RFFL: variants seen among roughly 807,000 people sequenced by gnomAD.
RFFL encodes ring finger and FYVE like domain containing E3 ubiquitin protein ligase.
Under a neutral mutation model 40.4 loss-of-function variants are expected in RFFL, and 16 were observed. That is an observed-to-expected ratio of 0.40 (90% CI 0.27 to 0.60). The LOEUF is 0.60. Ranked by LOEUF, RFFL falls within the 20% of genes least tolerant of loss-of-function variation. The probability of loss-of-function intolerance (pLI) is 0.47; values close to 1 mark genes in which losing one functional copy is unlikely to be tolerated. For synonymous variants in RFFL, 154 were observed against 167.9 expected, an observed-to-expected ratio of 0.92 and a Z score of 0.64; for missense variants, 367 against 451.7, an observed-to-expected ratio of 0.81 and a Z score of 1.70.
In RFFL at chr17:35,079,239, G is replaced by T. The variant is rs116935729; in HGVS notation, c.-9+9866C>A. Among the ~76,000 whole-genome samples, 338 of 152,246 alleles carry T rather than the reference G, an allele frequency of 2.2e-3. 5 individuals are homozygous for T. In the East Asian group the frequency reaches 0.054, roughly 24 times the overall value. ...GGGTTTCACCCTGTTGGCCAGGCTG[G>T]TCTTGAACTCCTGAACCCAAGTGAT... is the stretch of plus-strand genomic sequence containing the variant. On this transcript the variant is annotated intron_variant, in intron 1 of 6. Coordinates refer to the RFFL transcript ENST00000315249.
rs190054103 is a variant in RFFL, at chr17:35,023,927, A to G, written c.181-2146T>C. Among the ~76,000 whole-genome samples the G allele has an allele frequency of 9.9e-4, 151 of 152,308 alleles. 1 individual carries two copies. The highest frequency in any genetic ancestry group is 1.9e-3 in the Non-Finnish European group (128 of 68,010). On this transcript the variant is annotated intron_variant, in intron 2 of 6. Coordinates refer to ENST00000394597, the MANE Select transcript of RFFL (RefSeq NM_001017368.2). ...GCTTGAGGCTAAAACCCCAGTTTGC[A>G]GTGGCAGAAGAAAACAAGAAGAAAG... is the stretch of plus-strand genomic sequence containing the variant.
At chr17:35,066,551 A>G (rs2091321913), upstream of RFFL, among the ~76,000 whole-genome samples, 1 of 152,202 alleles carries the variant, frequency 6.6e-6, no homozygotes, top group Admixed American at 6.5e-5. Flanking sequence ...TACAACAAGC[A>G]TATATTCAAA....
At chr17:35,066,670 C>CA (rs2091322300), upstream of RFFL, among the ~76,000 whole-genome samples, 1 of 152,176 alleles carries the variant, frequency 6.6e-6, no homozygotes, top group Admixed American at 6.5e-5. Context: ...CTTTTATCTA[C>CA]TTCCCTACCC....
intron 1 of RFFL, among the ~76,000 whole-genome samples, chr17:35,075,804 C>G (rs2091372543): frequency 6.6e-6 from 1 of 152,056 alleles, no homozygotes; most frequent in South Asian, 2.1e-4. Context: ...AAAGCAAACA[C>G]AAAAGCGTCT....
Position 35,046,774 on chromosome 17 carries a change from C to A in RFFL, c.-9+16802G>T, listed in dbSNP as rs543405792. Among the ~76,000 whole-genome samples, 8 of 152,278 alleles carry A rather than the reference C, an allele frequency of 5.3e-5. No homozygotes were observed. The East Asian group carries it at 1.3e-3, about 26-fold the overall frequency. On this transcript the variant is annotated intron_variant, in intron 1 of 6. Coordinates refer to ENST00000394597, the MANE Select transcript of RFFL (RefSeq NM_001017368.2). ...GAAGTTCAGGGAAAAGTAATTCTAA[C>A]CAATGGAGCTGTGCCAAAATATCAC... is the stretch of plus-strand genomic sequence containing the variant.
At chr17:35,022,426 G>T (rs371302407) in intron 2 of RFFL, among the ~76,000 whole-genome samples, 1 of 152,298 alleles carries the variant, frequency 6.6e-6, no homozygotes, top group South Asian at 2.1e-4. Context: ...ATTTATTGAG[G>T]TGCTTCTATA....
rs1597836086 is a variant in RFFL at position 35,060,273 on chromosome 17, G to A, written c.-9+3303C>T. Among the ~76,000 whole-genome samples the A allele has an allele frequency of 1.3e-5, 2 of 152,320 alleles. 1 individual carries two copies. Among genetic ancestry groups the A allele is most frequent in the Admixed American group, 1.3e-4 (2 of 15,298 alleles). On this transcript the variant is annotated intron_variant, in intron 1 of 6. Transcript: ENST00000394597. ...ACAACCAGGGCCTTCCCATAGGTCAGGCAGGTTCAGAGTACCTCCTCCTCC... is the reference window on the plus strand; with the variant it reads ...ACAACCAGGGCCTTCCCATAGGTCAAGCAGGTTCAGAGTACCTCCTCCTCC...
chr17:35,078,776 T>A (rs570228434), intron 1 of RFFL, among the ~76,000 whole-genome samples: 2 of 152,148 alleles, frequency 1.3e-5, no homozygotes, highest in Admixed American at 1.3e-4. Flanking sequence ...GGTCAGGAGT[T>A]CGACACCAGC....
In RFFL at chr17:35,021,752, A is replaced by C; in HGVS notation, c.210T>G (p.Phe70Leu). 1 of 1,614,230 alleles carries C rather than the reference A, an allele frequency of 6.2e-7. No homozygotes were observed. Among genetic ancestry groups the C allele is most frequent in the African/African-American group, 1.3e-5 (1 of 75,046 alleles). Residue 70 changes from phenylalanine to leucine, a missense_variant, in exon 3 of 7, where the codon TTT becomes TTG. Phe to Leu is a conservative substitution (Grantham distance 22, BLOSUM62 0). Transcript: ENST00000394597. ...CTACTTGGCTCGAACAGGTCATGCA[A>C]AAATTTTTCTTACAGTCCAAGCAGG... is the stretch of plus-strand genomic sequence containing the variant. ...KQTCLDCKKN[F>L]CMTCSSQVGN...
intron 3 of RFFL, 152 bp from the exon 4 acceptor site, chr17:35,017,758 T>G: frequency 1.6e-6 from 1 of 608,588 alleles, no homozygotes; most frequent in Non-Finnish European, 2.9e-6. Flanking sequence ...AAGCCTGCTC[T>G]CTCATACCAA....
At chr17:35,085,858 C>T (rs757240393) in intron 1 of RFFL, among the ~76,000 whole-genome samples, 17 of 152,128 alleles carry the variant, frequency 1.1e-4, no homozygotes, top group Admixed American at 2.6e-4. Context: ...ATTCACCCTG[C>T]ATAAGAAAAG....
intron 1 of RFFL, among the ~76,000 whole-genome samples, chr17:35,088,058 A>G (rs1249851824): frequency 6.6e-6 from 1 of 152,168 alleles, no homozygotes; most frequent in Non-Finnish European, 1.5e-5. Context: ...CACGGGGAGA[A>G]TAAGGCACCC....
In RFFL at chr17:35,060,124, C is replaced by A. The variant is rs569735743; in HGVS notation, c.-9+3452G>T. 2.7e-4 allele frequency among the ~76,000 whole-genome samples: 41 copies of A among 152,348 alleles called. No individual in the cohort carries two copies. The South Asian group carries it at 8.5e-3, about 32-fold the overall frequency. ...ATTTTGGGATGACCGCTTTCACTCA[C>A]CAGCCTGGTTTGATACTCCACCAGG... On this transcript the variant is annotated intron_variant, in intron 1 of 6. Transcript: ENST00000394597.
intron 1 of RFFL, among the ~76,000 whole-genome samples, chr17:35,031,117 T>C (rs1032825945): frequency 3.3e-5 from 5 of 151,916 alleles, no homozygotes; most frequent in African/African-American, 1.2e-4. Flanking sequence ...ATTCACTAAC[T>C]TTTTTTTGGG....
chr17:35,045,640 A>G (rs1022786602), intron 1 of RFFL, among the ~76,000 whole-genome samples: 1 of 152,202 alleles, frequency 6.6e-6, no homozygotes, highest in Non-Finnish European at 1.5e-5. Flanking sequence ...CCTTAATGCC[A>G]GGTAATCAAC....
intron 1 of RFFL, among the ~76,000 whole-genome samples, chr17:35,088,421 G>C (rs1389171526): frequency 6.6e-6 from 1 of 152,220 alleles, no homozygotes; most frequent in African/African-American, 2.4e-5. Context: ...GCTCTGAGCA[G>C]ACGTGCCAGC....
intron 1 of RFFL, among the ~76,000 whole-genome samples, chr17:35,085,146 C>G (rs2091422922): frequency 1.3e-5 from 2 of 151,670 alleles, no homozygotes; most frequent in South Asian, 4.2e-4. Context: ...CCAGGTACCT[C>G]ATCTTTCAAG....
intron 1 of RFFL, among the ~76,000 whole-genome samples, chr17:35,088,537 T>G (rs1010644174): frequency 2.6e-5 from 4 of 152,164 alleles, no homozygotes; most frequent in African/African-American, 9.7e-5. Context: ...TCTTGACCGC[T>G]GCCGCACAGT....
chr17:35,087,453 T>C (rs2091437066), intron 1 of RFFL, among the ~76,000 whole-genome samples: 1 of 152,222 alleles, frequency 6.6e-6, no homozygotes, highest in South Asian at 2.1e-4. Context: ...TTAAGGTTTC[T>C]GAGAAGAGCT....
Sources: allele counts gnomAD v4.1 joint callset (sites outside exome capture counted in the v4.1 genomes callset), GRCh38; gene constraint gnomAD v4.1.1; transcripts MANE v1.5; gene names NCBI Gene and HGNC (gene_info 2026-07-23, HGNC 2026-07-21).